Variants in DPP4 observed in about 807,000 individuals in gnomAD.
The protein encoded by DPP4 is dipeptidyl peptidase 4.
Under a neutral mutation model 122.4 loss-of-function variants are expected in DPP4, and 93 were observed. The observed-to-expected ratio is 0.76, with a 90% confidence interval of 0.64 to 0.90. DPP4 has a LOEUF of 0.90. Among genes scored for constraint, DPP4 ranks in the 40% least tolerant of loss-of-function variants. The pLI is 0.00. For synonymous variants in DPP4, 321 were observed against 302.9 expected, an observed-to-expected ratio of 1.06 and a Z score of -0.62; for missense variants, 914 against 907.3, an observed-to-expected ratio of 1.01 and a Z score of -0.09.
chr2:162,036,134 G>A (rs1193326555), intron 8 of DPP4, among the ~76,000 whole-genome samples: 1 of 152,116 alleles, frequency 6.6e-6, no homozygotes, highest in Non-Finnish European at 1.5e-5. Flanking sequence ...AACCGGGAAT[G>A]GAGGAATTAA....
intron 2 of DPP4, among the ~76,000 whole-genome samples, chr2:162,072,567 G>A (rs1576079486): frequency 6.6e-6 from 1 of 152,216 alleles, no homozygotes; most frequent in Non-Finnish European, 1.5e-5. Context: ...ATCTTCCAGA[G>A]AGAATGCTTT....
At chr2:162,043,366 G>C (rs1030990494) in intron 5 of DPP4, among the ~76,000 whole-genome samples, 4 of 152,142 alleles carry the variant, frequency 2.6e-5, no homozygotes, top group Non-Finnish European at 4.4e-5. Context: ...AGGCACTGTA[G>C]GTGGCATAGG....
At chr2:162,073,866 C>G in intron 1 of DPP4, 110 bp downstream of exon 1, 1 of 1,457,314 alleles carries the variant, frequency 6.9e-7, no homozygotes, top group South Asian at 1.3e-5. Flanking sequence ...TTGGGGCTTC[C>G]GCCTAAGGGG....
Position 162,038,403 on chromosome 2 carries a change from T to A in DPP4, c.512A>T (p.Asp171Val), listed in dbSNP as rs1683864472. The change falls in exon 8 of 26, where the codon GAC becomes GTC. Residue 171 changes from aspartate to valine, a missense_variant. Transcript: ENST00000360534. ...GHKLAYVWNNDIYVKIEPNLP... is the reference protein window; with the variant it reads ...GHKLAYVWNNVIYVKIEPNLP... The stretch of plus-strand genomic sequence containing the variant: ...ATTTGGTTCAATTTTAACATAAATG[T>A]CATTGTTCCAAACATATGCCTAGAA... 6.2e-7 allele frequency: 1 copy of A among 1,606,762 alleles called. No homozygotes were observed. The highest frequency in any genetic ancestry group is 8.5e-7 in the Non-Finnish European group (1 of 1,176,574).
At chr2:162,042,650 G>A (rs1035516651) in intron 5 of DPP4, among the ~76,000 whole-genome samples, 2 of 151,780 alleles carry the variant, frequency 1.3e-5, no homozygotes, top group Non-Finnish European at 2.9e-5. Flanking sequence ...AAAAGTAGTA[G>A]AAGATATAGA....
At chr2:162,011,404 G>A (rs1474472708) in intron 20 of DPP4, among the ~76,000 whole-genome samples, 2 of 152,076 alleles carry the variant, frequency 1.3e-5, no homozygotes, top group Non-Finnish European at 2.9e-5. Context: ...TGAAGGAAAT[G>A]TACACAGTAT....
At chr2:161,995,481 C>T in intron 23 of DPP4, 109 bp from the exon 24 acceptor site, 2 of 873,566 alleles carry the variant, frequency 2.3e-6, no homozygotes, top group South Asian at 1.4e-5. Context: ...CCCTTTGATA[C>T]AAAATATAGC....
chr2:162,035,049 T>A lies in DPP4; in HGVS notation c.774+115A>T, dbSNP rs199669357. On this transcript the variant is annotated intron_variant, in intron 9 of 25. Coordinates refer to ENST00000360534, the MANE Select transcript of DPP4 (RefSeq NM_001935.4). Reference sequence around the variant, plus strand: ...ATGCTGTTGACTTCAGCAAGAGTAATCACAGCAAGCTGTTGAAGAGAGACT... The same window carrying A: ...ATGCTGTTGACTTCAGCAAGAGTAAACACAGCAAGCTGTTGAAGAGAGACT... The A allele has an allele frequency of 7.8e-6, 8 of 1,020,858 alleles. No homozygotes were observed. In the Admixed American group the frequency reaches 1.7e-4, roughly 21 times the overall value. 63.2% of individuals were successfully genotyped at this position (1,020,858 alleles called of 1,614,324 possible). A position where few individuals can be genotyped will look rare whatever the true frequency, so the allele number is the denominator to read the frequency against.
chr2:162,033,012 T>A (rs1409539323), intron 10 of DPP4, among the ~76,000 whole-genome samples: 2 of 152,114 alleles, frequency 1.3e-5, no homozygotes, highest in African/African-American at 4.8e-5. Context: ...GTCAAAAGGC[T>A]CCAGTCACCC....
intron 23 of DPP4, among the ~76,000 whole-genome samples, chr2:162,004,641 A>C (rs1338139830): frequency 6.6e-6 from 1 of 152,158 alleles, no homozygotes; most frequent in African/African-American, 2.4e-5. Context: ...AAGTAAGCTG[A>C]AAGTAATTGG....
At chr2:162,040,018 A>G (rs557004692) in intron 5 of DPP4, among the ~76,000 whole-genome samples, 1 of 152,232 alleles carries the variant, frequency 6.6e-6, no homozygotes, top group South Asian at 2.1e-4. Flanking sequence ...AGAGGCTATT[A>G]TAAACATTTT....
intron 14 of DPP4, among the ~76,000 whole-genome samples, chr2:162,019,876 A>G (rs971974807): frequency 6.6e-6 from 1 of 152,198 alleles, no homozygotes; most frequent in Non-Finnish European, 1.5e-5. Flanking sequence ...CGGGACATGG[A>G]CAGATAAAAT....
intron 1 of DPP4, 22 bp downstream of exon 1, chr2:162,073,954 A>T (rs1282938650): frequency 6.2e-7 from 1 of 1,611,772 alleles, no homozygotes; most frequent in Admixed American, 1.7e-5. Context: ...CGCCCCGGGG[A>T]CGTACGTGGC....
intron 10 of DPP4, among the ~76,000 whole-genome samples, chr2:162,032,518 C>T (rs998428879): frequency 6.6e-6 from 1 of 152,080 alleles, no homozygotes; most frequent in African/African-American, 2.4e-5. Flanking sequence ...AACCTCATCT[C>T]TACTAAAAAT....
chr2:162,024,664 A>G (rs1035310333), intron 11 of DPP4, 140 bp downstream of exon 11: 1 of 1,154,800 alleles, frequency 8.7e-7, no homozygotes, highest in African/African-American at 1.6e-5. Flanking sequence ...TCAAGATTTT[A>G]TTGCCTCAGG....
At chr2:162,061,471 G>C (rs1684768895) in intron 2 of DPP4, among the ~76,000 whole-genome samples, 1 of 151,780 alleles carries the variant, frequency 6.6e-6, no homozygotes, top group Non-Finnish European at 1.5e-5. Context: ...CACATATTTT[G>C]CCAATTAATC....
rs1284837825 is a variant in DPP4 at position 162,027,360 on chromosome 2, A to AG, written c.888-2422_888-2421insC. On this transcript the variant is annotated intron_variant, in intron 10 of 25. Transcript: ENST00000360534. ...TGAGACTCGGTCTCAAAAAAAAAAA[A>AG]AAAGTAAAAACCATTCTTACTTGTG... Among the ~76,000 whole-genome samples, 3 of 152,150 alleles carry AG rather than the reference A, an allele frequency of 2.0e-5. No individual in the cohort carries two copies. The East Asian group carries it at 5.8e-4, about 29-fold the overall frequency.
intron 2 of DPP4, among the ~76,000 whole-genome samples, chr2:162,067,384 C>A (rs1375248256): frequency 1.3e-5 from 2 of 152,084 alleles, no homozygotes; most frequent in Admixed American, 6.5e-5. Context: ...TTGATACTCA[C>A]CTCTCCTACT....
intron 1 of DPP4, among the ~76,000 whole-genome samples, chr2:162,073,758 G>C (rs1232283876): frequency 3.3e-5 from 5 of 152,160 alleles, no homozygotes; most frequent in East Asian, 3.9e-4. Flanking sequence ...GTGGCTCTCC[G>C]GGACATTCAA....
Sources: gnomAD v4.1 joint callset for allele counts (sites outside exome capture counted in the v4.1 genomes callset) on GRCh38, gnomAD v4.1.1 for gene constraint, MANE v1.5 for transcripts, NCBI Gene and HGNC (gene_info 2026-07-23, HGNC 2026-07-21) for gene names.